The following LRRC37A2 variants were observed in gnomAD, a reference collection of about 807,000 sequenced individuals.
LRRC37A2 encodes the protein leucine rich repeat containing 37 member A2, also known as leucine-rich repeat-containing protein 37A2.
A neutral mutation model predicts 68.8 loss-of-function variants in LRRC37A2; 9 were observed. The ratio of observed to expected loss-of-function variants is 0.13; its 90% confidence interval spans 0.08 to 0.23. LRRC37A2 has a LOEUF of 0.23. Among genes scored for constraint, LRRC37A2 ranks in the 10% least tolerant of loss-of-function variants. The probability of loss-of-function intolerance (pLI) is 1.00; values close to 1 mark genes in which losing one functional copy is unlikely to be tolerated. For missense variants in LRRC37A2, 168 were observed against 950.4 expected, an observed-to-expected ratio of 0.18 and a Z score of 10.82; for synonymous variants, 63 against 367.6, an observed-to-expected ratio of 0.17 and a Z score of 9.48.
chr17:46,826,819 A>G, the LRRC37A2 span, among the ~76,000 whole-genome samples: 3 of 133,268 alleles, frequency 2.3e-5, no homozygotes, highest in Admixed American at 2.6e-4. Context: ...GTCTCGCTCT[A>G]TCACCCAGGC....
chr17:46,944,960 G>A, the LRRC37A2 span, among the ~76,000 whole-genome samples: 2 of 152,198 alleles, frequency 1.3e-5, no homozygotes, highest in African/African-American at 4.8e-5. Flanking sequence ...ACGGCTGTCA[G>A]TGCATCCCAG....
the LRRC37A2 span, among the ~76,000 whole-genome samples, chr17:46,714,807 T>C: frequency 6.6e-6 from 1 of 152,252 alleles, no homozygotes; most frequent in Non-Finnish European, 1.5e-5. Flanking sequence ...ATGCTTGATC[T>C]TTTATAGATA....
the LRRC37A2 span, among the ~76,000 whole-genome samples, chr17:46,791,502 C>T: frequency 6.6e-6 from 1 of 152,154 alleles, no homozygotes; most frequent in Non-Finnish European, 1.5e-5. Context: ...CCACCACGCC[C>T]GGCCTCCTCA....
At chr17:46,409,935 G>A in the LRRC37A2 span, among the ~76,000 whole-genome samples, 1 of 106,104 alleles carries the variant, frequency 9.4e-6, no homozygotes. Flanking sequence ...GCTTAGTGCT[G>A]TCCCAGGCAC....
At chr17:47,019,726 A>G in the LRRC37A2 span, 8 of 851,586 alleles carry the variant, frequency 9.4e-6, no homozygotes, top group Non-Finnish European at 1.3e-5. Flanking sequence ...TCATGTATTG[A>G]TCTCAACCCA....
At chr17:46,800,036 G>A in the LRRC37A2 span, among the ~76,000 whole-genome samples, 1 of 152,206 alleles carries the variant, frequency 6.6e-6, no homozygotes, top group Non-Finnish European at 1.5e-5. Flanking sequence ...AGAGAGTGGG[G>A]ACCAGCTGAG....
the LRRC37A2 span, among the ~76,000 whole-genome samples, chr17:46,899,674 G>T: frequency 0.55 from 82,824 of 151,854 alleles, 23,752 homozygotes; most frequent in Non-Finnish European, 0.65. Context: ...AATGAAAAAT[G>T]CTCTGGAATT....
At chr17:46,795,469 T>C in the LRRC37A2 span, among the ~76,000 whole-genome samples, 1 of 152,012 alleles carries the variant, frequency 6.6e-6, no homozygotes, top group Non-Finnish European at 1.5e-5. Flanking sequence ...CGACAGCAAA[T>C]TCTCCTCCAG....
chr17:47,026,286 C>T, the LRRC37A2 span, among the ~76,000 whole-genome samples: 5 of 152,116 alleles, frequency 3.3e-5, no homozygotes, highest in Admixed American at 2.6e-4. Flanking sequence ...CATGAGTACC[C>T]GTAGAGTACA....
At chr17:46,962,743 A>G in the LRRC37A2 span, among the ~76,000 whole-genome samples, 1 of 152,230 alleles carries the variant, frequency 6.6e-6, no homozygotes, top group African/African-American at 2.4e-5. Flanking sequence ...AGTTCCTGTC[A>G]GTATCACGTG....
chr17:46,460,836 G>A, the LRRC37A2 span, among the ~76,000 whole-genome samples: 1 of 97,450 alleles, frequency 1.0e-5, no homozygotes, highest in Admixed American at 1.0e-4. Flanking sequence ...GGTCTGGTGC[G>A]TGTATTTAAA....
chr17:46,722,166 A>G, the LRRC37A2 span: 33 of 1,611,540 alleles, frequency 2.0e-5, no homozygotes, highest in East Asian at 4.5e-5. Context: ...CGAACTGAAC[A>G]TGGCTTTCTC....
the LRRC37A2 span, among the ~76,000 whole-genome samples, chr17:46,490,946 G>T: frequency 4.0e-5 from 6 of 149,814 alleles, no homozygotes; most frequent in African/African-American, 1.5e-4. Context: ...CCAGGCTGGA[G>T]TGCAGTGGCG....
At chr17:46,946,679 A>C in the LRRC37A2 span, among the ~76,000 whole-genome samples, 7 of 152,120 alleles carry the variant, frequency 4.6e-5, no homozygotes, top group Non-Finnish European at 1.0e-4. Context: ...CCTGGCCAAC[A>C]TGGTGAAACC....
At chr17:46,766,125 C>T in the LRRC37A2 span, among the ~76,000 whole-genome samples, 1 of 152,064 alleles carries the variant, frequency 6.6e-6, no homozygotes, top group Non-Finnish European at 1.5e-5. Flanking sequence ...AGTACTGATT[C>T]TGGCCGGGCG....
At chr17:46,754,149 CTTTTTTTTTT>C in the LRRC37A2 span, among the ~76,000 whole-genome samples, 1 of 134,052 alleles carries the variant, frequency 7.5e-6, no homozygotes. Context: ...CCAGCCAGTT[CTTTTTTTTTT>C]TTTTTTTTTA....
At chr17:46,931,720 G>A in the LRRC37A2 span, 2 of 342,878 alleles carry the variant, frequency 5.8e-6, no homozygotes, top group African/African-American at 2.1e-5. Context: ...CCTCAAAGAT[G>A]CCCTTGGGCT....
the LRRC37A2 span, among the ~76,000 whole-genome samples, chr17:46,785,686 C>T: frequency 3.9e-5 from 6 of 152,178 alleles, no homozygotes; most frequent in Non-Finnish European, 8.8e-5. Context: ...CCCGGGAGGA[C>T]CATGGTTCTG....
chr17:46,961,655 GATT>G, the LRRC37A2 span, among the ~76,000 whole-genome samples: 2 of 152,068 alleles, frequency 1.3e-5, no homozygotes, highest in South Asian at 2.1e-4. Context: ...TCTGTAAAAA[GATT>G]ATATTTTTTA....
Sources: allele counts gnomAD v4.1 joint callset (sites outside exome capture counted in the v4.1 genomes callset), GRCh38; gene constraint gnomAD v4.1.1; transcripts MANE v1.5; gene names NCBI Gene and HGNC (gene_info 2026-07-23, HGNC 2026-07-21).